DOCK9: variants seen among roughly 807,000 people sequenced by gnomAD.
The protein encoded by DOCK9 is dedicator of cytokinesis 9.
A neutral mutation model predicts 263.3 loss-of-function variants in DOCK9; 89 were observed. The ratio of observed to expected loss-of-function variants is 0.34; its 90% CI spans 0.28 to 0.40. DOCK9 has a LOEUF of 0.40. Ranked by LOEUF, DOCK9 falls within the 10% of genes least tolerant of loss-of-function variation. DOCK9 has a pLI of 1.00. For synonymous variants in DOCK9, 976 were observed against 973.1 expected, an observed-to-expected ratio of 1.00 and a Z score of -0.06; for missense variants, 2,140 against 2,603.4, an observed-to-expected ratio of 0.82 and a Z score of 3.87.
intron 1 of DOCK9, among the ~76,000 whole-genome samples, chr13:99,002,519 CTCT>C (rs1882553739): frequency 6.6e-6 from 1 of 152,230 alleles, no homozygotes; most frequent in Non-Finnish European, 1.5e-5. Context: ...GTGTCACCTT[CTCT>C]TCTATCCTTC....
Position 98,805,002 on chromosome 13 carries a change from T to C in DOCK9, c.5722A>G (p.Thr1908Ala), listed in dbSNP as rs1391484489. 1 of 1,599,980 alleles carries C rather than the reference T, an allele frequency of 6.3e-7. No homozygotes were observed. Among genetic ancestry groups the C allele is most frequent in the Non-Finnish European group, 8.5e-7 (1 of 1,173,364 alleles). ...ATGCGGCTTCTGGGGCCCATACCTG[T>C]CAGGATGGTGCGCCGTTTGCACTGC... The part of the protein sequence containing the change: ...EEQCKRRTIL[T>A]AIHCFPYVKK... Residue 1908 changes from threonine to alanine, a missense_variant, in exon 49 of 53, where the codon ACA becomes GCA. Physicochemically the swap from Thr to Ala is moderately conservative, Grantham distance 58. Around this residue, in one of 2 missense-constraint regions of DOCK9, gnomAD observed 619 missense variants for 861.8 expected, o/e 0.72. Coordinates refer to ENST00000682017, the MANE Select transcript of DOCK9 (RefSeq NM_001366683.2).
At chr13:98,798,656 TC>T (rs974753396) in intron 50 of DOCK9, among the ~76,000 whole-genome samples, 4 of 152,336 alleles carry the variant, frequency 2.6e-5, no homozygotes, top group East Asian at 3.9e-4. Context: ...GACAAGAAGC[TC>T]CGCAGACGGC....
chr13:98,846,683 CCT>C (rs745881914), intron 37 of DOCK9: 66 of 601,502 alleles, frequency 1.1e-4, no homozygotes, highest in Non-Finnish European at 1.8e-4. Context: ...ACACCTGTCC[CCT>C]GTCCCGGAGC....
intron 49 of DOCK9, among the ~76,000 whole-genome samples, chr13:98,803,718 G>A (rs2090376129): frequency 6.6e-6 from 1 of 151,900 alleles, no homozygotes; most frequent in Non-Finnish European, 1.5e-5. Flanking sequence ...ATTTGCTACT[G>A]ATGTGTGCAT....
chr13:99,042,861 A>T (rs962526689), intron 1 of DOCK9, among the ~76,000 whole-genome samples: 1 of 152,214 alleles, frequency 6.6e-6, no homozygotes, highest in Non-Finnish European at 1.5e-5. Context: ...CAATTATTTT[A>T]AAAATAGCCC....
intron 7 of DOCK9, among the ~76,000 whole-genome samples, chr13:98,917,885 G>A (rs757772819): frequency 6.6e-6 from 1 of 152,192 alleles, no homozygotes; most frequent in Non-Finnish European, 1.5e-5. Flanking sequence ...ACCAGCTGCA[G>A]GTGGGCAGGA....
intron 1 of DOCK9, among the ~76,000 whole-genome samples, chr13:99,062,069 G>T (rs570133905): frequency 6.6e-6 from 1 of 151,928 alleles, no homozygotes; most frequent in Non-Finnish European, 1.5e-5. Flanking sequence ...ACGGGCTCTC[G>T]CTATGTTGCT....
chr13:98,933,013 T>C (rs1263805347), intron 2 of DOCK9, among the ~76,000 whole-genome samples: 1 of 152,204 alleles, frequency 6.6e-6, no homozygotes, highest in African/African-American at 2.4e-5. Flanking sequence ...ATATAGACTG[T>C]CACAACTGTT....
At chr13:98,885,637 G>C in intron 20 of DOCK9, 71 bp downstream of exon 20, 1 of 1,458,952 alleles carries the variant, frequency 6.9e-7, no homozygotes, top group Non-Finnish European at 9.1e-7. Context: ...TGGAAATTCA[G>C]AATCTTAATA....
chr13:99,055,760 C>T (rs946025901), intron 1 of DOCK9, among the ~76,000 whole-genome samples: 11 of 151,668 alleles, frequency 7.3e-5, no homozygotes, highest in Admixed American at 1.3e-4. Context: ...AACAGCTGTG[C>T]CTAATAAGCC....
chr13:99,054,118 GGA>G (rs985206489), intron 1 of DOCK9, among the ~76,000 whole-genome samples: 1 of 152,174 alleles, frequency 6.6e-6, no homozygotes, highest in African/African-American at 2.4e-5. Context: ...TCTCAAAAGA[GGA>G]GACTCTTCTG....
intron 39 of DOCK9, among the ~76,000 whole-genome samples, chr13:98,832,446 G>T (rs1436518744): frequency 2.0e-5 from 3 of 152,072 alleles, no homozygotes; most frequent in Non-Finnish European, 2.9e-5. Context: ...CGCATACTTT[G>T]GTCTAGCTCA....
intron 8 of DOCK9, among the ~76,000 whole-genome samples, chr13:98,914,984 T>C (rs1043839671): frequency 6.6e-6 from 1 of 152,214 alleles, no homozygotes; most frequent in African/African-American, 2.4e-5. Flanking sequence ...GCAATTTTCA[T>C]GTTTATTCCC....
chr13:98,900,008 T>A (rs535483959), intron 13 of DOCK9, among the ~76,000 whole-genome samples: 1 of 152,168 alleles, frequency 6.6e-6, no homozygotes, highest in Non-Finnish European at 1.5e-5. Context: ...AGAAACAACT[T>A]TGACAGACAG....
At chr13:98,929,020 G>A (rs898120391) in intron 3 of DOCK9, among the ~76,000 whole-genome samples, 2 of 151,884 alleles carry the variant, frequency 1.3e-5, no homozygotes, top group Non-Finnish European at 2.9e-5. Context: ...GTCTTTATAA[G>A]AGTATTTATA....
At chr13:98,804,606 C>G (rs16955875) in intron 49 of DOCK9, among the ~76,000 whole-genome samples, 25,018 of 152,142 alleles carry the variant, frequency 0.16, 2,303 homozygotes, top group Middle Eastern at 0.22. Flanking sequence ...ATGCTAGAAC[C>G]TGAGACAGGT....
rs147558164 is a variant in DOCK9, at chr13:98,869,966, T to A, written c.2944-1589A>T. Among the ~76,000 whole-genome samples the A allele has an allele frequency of 4.6e-5, 7 of 152,356 alleles. No individual in the cohort carries two copies. In the East Asian group the frequency reaches 1.4e-3, roughly 29 times the overall value. On this transcript the variant is annotated intron_variant, in intron 27 of 52. Coordinates refer to ENST00000682017, the MANE Select transcript of DOCK9 (RefSeq NM_001366683.2). ...TGGAGGAGCTTGAGTCACTGAATGA[T>A]CTTGGGGAACTAGCTGCCCTGTTCT...
chr13:99,019,226 G>A (rs750088855), intron 1 of DOCK9, among the ~76,000 whole-genome samples: 1 of 152,172 alleles, frequency 6.6e-6, no homozygotes, highest in African/African-American at 2.4e-5. Context: ...GGGCTAGGGA[G>A]ACCAGGAAAT....
At chr13:98,809,533 T>C in intron 46 of DOCK9, 68 bp from the exon 47 acceptor site, 1 of 1,324,916 alleles carries the variant, frequency 7.5e-7, no homozygotes, top group Non-Finnish European at 1.0e-6. Flanking sequence ...AAATAACAAA[T>C]GTGATAATGG....
Sources: allele counts gnomAD v4.1 joint callset (sites outside exome capture counted in the v4.1 genomes callset), GRCh38; gene constraint gnomAD v4.1.1; regional missense constraint gnomAD v4.1.1; transcripts MANE v1.5; gene names NCBI Gene and HGNC (gene_info 2026-07-23, HGNC 2026-07-21).